MPHOSPH9: variants seen among roughly 807,000 people sequenced by gnomAD.
MPHOSPH9 encodes M-phase phosphoprotein 9.
In MPHOSPH9, 88 loss-of-function variants were observed where a neutral mutation model predicts 145.5. The ratio of observed to expected loss-of-function variants is 0.60; its 90% CI spans 0.51 to 0.72. MPHOSPH9 has a LOEUF of 0.72. Ranked by LOEUF, MPHOSPH9 falls within the 30% of genes least tolerant of loss-of-function variation. The probability of loss-of-function intolerance (pLI) is 0.00; values close to 1 mark genes in which losing one functional copy is unlikely to be tolerated. For missense variants in MPHOSPH9, 1,238 were observed against 1,386.6 expected, an observed-to-expected ratio of 0.89 and a Z score of 1.70; for synonymous variants, 435 against 486.2, an observed-to-expected ratio of 0.89 and a Z score of 1.39.
At chr12:123,179,840 G>T in intron 15 of MPHOSPH9, 86 bp downstream of exon 15, 1 of 680,852 alleles carries the variant, frequency 1.5e-6, no homozygotes, top group Non-Finnish European at 2.3e-6. Flanking sequence ...AAATCCTCAA[G>T]AAAAACTTCC....
rs1370248398 is a variant in MPHOSPH9 at position 123,202,946 on chromosome 12, G to C, written c.1459C>G (p.Pro487Ala). The change falls in exon 10 of 24, where the codon CCC becomes GCC. Residue 487 changes from proline to alanine, a missense_variant. By Grantham distance (27) the Pro-to-Ala change is conservative. Coordinates refer to ENST00000606320, the MANE Select transcript of MPHOSPH9 (RefSeq NM_022782.4). ...TGTGAAAATGAGTCTATGTCAGAGG[G>C]ACTAGACATACTAGGCTCTAGAACA... ...DSVLEPSMSSPSDIDSFSQAS... is the reference protein window; with the variant it reads ...DSVLEPSMSSASDIDSFSQAS... 6.2e-7 allele frequency: 1 copy of C among 1,613,958 alleles called. No individual in the cohort carries two copies. Among genetic ancestry groups the C allele is most frequent in the African/African-American group, 1.3e-5 (1 of 74,906 alleles).
intron 8 of MPHOSPH9, among the ~76,000 whole-genome samples, chr12:123,207,053 TAA>T (rs201125578): frequency 7.4e-5 from 6 of 80,598 alleles, no homozygotes; most frequent in Non-Finnish European, 5.2e-5. Flanking sequence ...CTCTCTCTAA[TAA>T]AAAAAAAAAA....
rs758621046 is a variant in MPHOSPH9, at chr12:123,164,067, A to C, written c.2791T>G (p.Ser931Ala). The C allele has an allele frequency of 6.2e-7, 1 of 1,614,062 alleles. No homozygotes were observed. Among genetic ancestry groups the C allele is most frequent in the Non-Finnish European group, 8.5e-7 (1 of 1,180,022 alleles). The part of the protein sequence containing the change: ...SNINPRQTET[S>A]VNASRSPEKC... ...TCTGGAGAACGACTTGCATTAACTGAAGTTTCAGTTTGCCGAGGATTTACT... is the reference window on the plus strand; with the variant it reads ...TCTGGAGAACGACTTGCATTAACTGCAGTTTCAGTTTGCCGAGGATTTACT... Residue 931 changes from serine to alanine, a missense_variant, in exon 19 of 24, where the codon TCA (serine) becomes GCA (alanine). Physicochemically the swap from Ser to Ala is moderately conservative, Grantham distance 99. Transcript: ENST00000606320.
At chr12:123,212,766 C>CATTT (rs1555228284) in intron 7 of MPHOSPH9, among the ~76,000 whole-genome samples, 1 of 93,906 alleles carries the variant, frequency 1.1e-5, no homozygotes, top group Non-Finnish European at 1.9e-5. Context: ...CAATGGTCGA[C>CATTT]TTTTTTTTTT....
intron 7 of MPHOSPH9, among the ~76,000 whole-genome samples, chr12:123,211,684 C>CTTTTTTTTTTTTT (rs147321517): frequency 1.5e-5 from 1 of 67,756 alleles, no homozygotes; most frequent in Non-Finnish European, 3.1e-5. Flanking sequence ...TAGACAATTT[C>CTTTTTTTTTTTTT]TTTTTTTTTT....
chr12:123,206,275 A>G (rs948569795), intron 8 of MPHOSPH9, among the ~76,000 whole-genome samples: 3 of 144,222 alleles, frequency 2.1e-5, no homozygotes, highest in African/African-American at 7.4e-5. Context: ...ACATAGAGAG[A>G]CCTTGCCTCT....
At chr12:123,238,906 A>T (rs1482117359) in intron 1 of MPHOSPH9, among the ~76,000 whole-genome samples, 2 of 152,200 alleles carry the variant, frequency 1.3e-5, no homozygotes, top group African/African-American at 4.8e-5. Context: ...CCAAACTGAG[A>T]TGTTCTGTAA....
intron 5 of MPHOSPH9, among the ~76,000 whole-genome samples, chr12:123,219,765 A>C (rs1421035671): frequency 1.3e-5 from 2 of 152,146 alleles, no homozygotes; most frequent in Admixed American, 1.3e-4. Context: ...ATGAAACTAA[A>C]AACTTGGGAT....
At chr12:123,219,438 A>G (rs2047105518) in intron 5 of MPHOSPH9, among the ~76,000 whole-genome samples, 1 of 151,346 alleles carries the variant, frequency 6.6e-6, no homozygotes, top group Admixed American at 6.6e-5. Context: ...CTCTACTAAA[A>G]GCTACTCAGG....
intron 3 of MPHOSPH9, among the ~76,000 whole-genome samples, chr12:123,225,443 CAAAAA>C (rs56225104): frequency 3.9e-5 from 4 of 102,160 alleles, no homozygotes; most frequent in Admixed American, 1.0e-4. Flanking sequence ...GACCCTATTT[CAAAAA>C]AAAAAAAAAA....
Position 123,211,684 on chromosome 12 carries a change from CTTT to C in MPHOSPH9, c.1088-1525_1088-1523del, listed in dbSNP as rs147321517. Among the ~76,000 whole-genome samples the C allele has an allele frequency of 2.1e-4, 14 of 67,768 alleles. No individual in the cohort carries two copies. In the South Asian group the frequency reaches 3.4e-3, roughly 17 times the overall value. 44.5% of individuals were successfully genotyped at this position (67,768 alleles called of 152,430 possible). A position where few individuals can be genotyped will look rare whatever the true frequency, so the allele number is the denominator to read the frequency against. On this transcript the variant is annotated intron_variant, in intron 7 of 23. Coordinates refer to ENST00000606320, the MANE Select transcript of MPHOSPH9 (RefSeq NM_022782.4). ...AAATATATTTTAAAATAGACAATTT[CTTT>C]TTTTTTTTTTTTTTTTTTTTTTCTG...
chr12:123,193,102 T>TAA (rs2045775507), intron 13 of MPHOSPH9, among the ~76,000 whole-genome samples: 1 of 102,636 alleles, frequency 9.7e-6, no homozygotes. Context: ...AAAAAATATA[T>TAA]ATATATACAC....
intron 6 of MPHOSPH9, among the ~76,000 whole-genome samples, chr12:123,216,289 G>A (rs1343284005): frequency 6.6e-6 from 1 of 152,122 alleles, no homozygotes; most frequent in Non-Finnish European, 1.5e-5. Context: ...ACAAAGAATG[G>A]TGATATCAGG....
intron 13 of MPHOSPH9, among the ~76,000 whole-genome samples, chr12:123,190,512 C>A (rs1218871027): frequency 3.3e-5 from 5 of 152,070 alleles, no homozygotes; most frequent in Admixed American, 6.6e-5. Context: ...TTCTCTATAT[C>A]TTTTTATGTA....
intron 13 of MPHOSPH9, among the ~76,000 whole-genome samples, chr12:123,185,819 T>C (rs746891403): frequency 6.6e-6 from 1 of 152,022 alleles, no homozygotes; most frequent in Admixed American, 6.6e-5. Context: ...AAACAATACA[T>C]CTATAAAGGA....
intron 8 of MPHOSPH9, among the ~76,000 whole-genome samples, chr12:123,207,346 T>A (rs1338972379): frequency 6.6e-6 from 1 of 151,892 alleles, no homozygotes; most frequent in Non-Finnish European, 1.5e-5. Context: ...CCCTACAATC[T>A]TACCCCCCTC....
At chr12:123,212,935 C>T (rs2046802525) in intron 7 of MPHOSPH9, among the ~76,000 whole-genome samples, 1 of 150,266 alleles carries the variant, frequency 6.7e-6, no homozygotes. Flanking sequence ...TCTCGGCTCA[C>T]TGCAAGCTCT....
chr12:123,188,761 T>C (rs1323370587), intron 13 of MPHOSPH9, among the ~76,000 whole-genome samples: 1 of 152,184 alleles, frequency 6.6e-6, no homozygotes, highest in Non-Finnish European at 1.5e-5. Context: ...GGCAGGGGAA[T>C]CGCTTGAACC....
At chr12:123,181,034 A>G in intron 14 of MPHOSPH9, 129 bp downstream of exon 14, 1 of 813,874 alleles carries the variant, frequency 1.2e-6, no homozygotes, top group Non-Finnish European at 2.1e-6. Context: ...CAGGATAAGC[A>G]AGGTTCCAGT....
Sources: gnomAD v4.1 joint callset for allele counts (sites outside exome capture counted in the v4.1 genomes callset) on GRCh38, gnomAD v4.1.1 for gene constraint, MANE v1.5 for transcripts, NCBI Gene and HGNC (gene_info 2026-07-23, HGNC 2026-07-21) for gene names.